The following CCDC73 variants were observed in gnomAD, a reference collection of about 807,000 sequenced individuals.
The protein encoded by CCDC73 is coiled-coil domain-containing protein 73.
In CCDC73, 95 loss-of-function variants were observed where a neutral mutation model predicts 116.5. That is an observed-to-expected ratio of 0.82 (90% CI 0.69 to 0.97). The LOEUF (loss-of-function observed/expected upper bound fraction) is 0.97, where lower values mean the gene tolerates loss of function less well. Among genes scored for constraint, CCDC73 ranks in the 50% least tolerant of loss-of-function variants. CCDC73 has a pLI of 0.00. For missense variants in CCDC73, 1,066 were observed against 1,206.8 expected (o/e 0.88, Z 1.73); for synonymous variants, 398 against 401.3 (o/e 0.99, Z 0.10).
At chr11:32,774,327 A>T (rs556926072) in intron 1 of CCDC73, among the ~76,000 whole-genome samples, 1 of 152,302 alleles carries the variant, frequency 6.6e-6, no homozygotes, top group African/African-American at 2.4e-5. Flanking sequence ...TAAGTCAGTC[A>T]CAATGCTCCT....
chr11:32,633,596 C>G (rs939677465), intron 14 of CCDC73, among the ~76,000 whole-genome samples: 2 of 152,056 alleles, frequency 1.3e-5, no homozygotes, highest in African/African-American at 4.8e-5. Context: ...CTGGAGTAAA[C>G]CAGACTTCCA....
intron 3 of CCDC73, among the ~76,000 whole-genome samples, chr11:32,707,354 T>C (rs760221488): frequency 2.8e-4 from 43 of 152,072 alleles, no homozygotes; most frequent in South Asian, 4.1e-4. Flanking sequence ...GCCCAAGTAC[T>C]ATGTTATCTT....
At chr11:32,703,624 A>G (rs1401822964) in intron 3 of CCDC73, among the ~76,000 whole-genome samples, 1 of 152,226 alleles carries the variant, frequency 6.6e-6, no homozygotes, top group East Asian at 1.9e-4. Flanking sequence ...CAACAACAAC[A>G]ACAACAAAAA....
At chr11:32,650,916 A>C (rs1327152512) in intron 12 of CCDC73, among the ~76,000 whole-genome samples, 1 of 152,180 alleles carries the variant, frequency 6.6e-6, no homozygotes, top group Non-Finnish European at 1.5e-5. Flanking sequence ...TAAAATATAC[A>C]ACTTTTTCTT....
chr11:32,637,213 A>G (rs1855690112), intron 13 of CCDC73, among the ~76,000 whole-genome samples: 3 of 151,430 alleles, frequency 2.0e-5, no homozygotes, highest in Admixed American at 1.3e-4. Flanking sequence ...GAGTTTCACT[A>G]TGTTGGCCAG....
At chr11:32,623,322 G>A (rs1855539862) in intron 14 of CCDC73, among the ~76,000 whole-genome samples, 1 of 151,980 alleles carries the variant, frequency 6.6e-6, no homozygotes, top group African/African-American at 2.4e-5. Flanking sequence ...CCATTTTATG[G>A]AGCAGAGGGG....
chr11:32,813,368 C>G, the CCDC73 span, among the ~76,000 whole-genome samples: 3 of 152,094 alleles, frequency 2.0e-5, no homozygotes, highest in Non-Finnish European at 4.4e-5. Flanking sequence ...GCGATCCTCC[C>G]CCCTCAGCCT....
intron 2 of CCDC73, among the ~76,000 whole-genome samples, chr11:32,746,291 A>G (rs1681150610): frequency 6.6e-6 from 1 of 152,128 alleles, no homozygotes; most frequent in African/African-American, 2.4e-5. Flanking sequence ...CTGCTGAGAG[A>G]TCTGCTGTTA....
intron 14 of CCDC73, among the ~76,000 whole-genome samples, chr11:32,628,382 T>C (rs947118264): frequency 2.0e-5 from 3 of 152,176 alleles, no homozygotes; most frequent in African/African-American, 7.2e-5. Flanking sequence ...ATGAAGGCGC[T>C]ACCCAGAAAA....
At chr11:32,636,848 C>T (rs1256563850) in intron 13 of CCDC73, among the ~76,000 whole-genome samples, 2 of 151,808 alleles carry the variant, frequency 1.3e-5, no homozygotes, top group African/African-American at 4.8e-5. Context: ...TCCTTCCTCT[C>T]CTATCTTCCT....
At chr11:32,707,475 T>A (rs1849865813) in intron 3 of CCDC73, among the ~76,000 whole-genome samples, 1 of 152,044 alleles carries the variant, frequency 6.6e-6, no homozygotes, top group Non-Finnish European at 1.5e-5. Flanking sequence ...TGTTTTTTCC[T>A]GGGAAAGTCA....
the CCDC73 span, chr11:32,829,733 C>T: frequency 7.1e-6 from 7 of 981,188 alleles, no homozygotes; most frequent in Non-Finnish European, 8.5e-6. Context: ...GCCACCCGCG[C>T]CGCCAAGGCG....
At chr11:32,702,985 C>G in intron 3 of CCDC73, 41 bp from the exon 4 acceptor site, 1 of 1,282,828 alleles carries the variant, frequency 7.8e-7, no homozygotes, top group Non-Finnish European at 1.1e-6. Flanking sequence ...CAAATTCTAG[C>G]AACTCTCTTT....
chr11:32,766,032 A>C (rs1850438215), intron 1 of CCDC73, among the ~76,000 whole-genome samples: 1 of 152,146 alleles, frequency 6.6e-6, no homozygotes, highest in South Asian at 2.1e-4. Flanking sequence ...CAATATCCTT[A>C]ATGAACATCG....
chr11:32,658,233 C>T (rs1259084675), intron 9 of CCDC73, among the ~76,000 whole-genome samples: 4 of 152,070 alleles, frequency 2.6e-5, no homozygotes, highest in African/African-American at 7.2e-5. Context: ...TCTACAACTA[C>T]GTAAATAGCT....
intron 14 of CCDC73, among the ~76,000 whole-genome samples, chr11:32,619,008 T>C (rs1268284400): frequency 1.3e-5 from 2 of 152,222 alleles, no homozygotes; most frequent in Non-Finnish European, 2.9e-5. Flanking sequence ...ATGTCTTTTG[T>C]CCACTTTTTA....
At chr11:32,674,955 C>G (rs1008769395) in intron 9 of CCDC73, among the ~76,000 whole-genome samples, 2 of 152,000 alleles carry the variant, frequency 1.3e-5, no homozygotes, top group Non-Finnish European at 2.9e-5. Context: ...TTTTTTAGTT[C>G]CTCAAATATA....
Position 32,641,380 on chromosome 11 carries a change from A to G in CCDC73, c.1050+592T>C, listed in dbSNP as rs1488206664. On this transcript the variant is annotated intron_variant, in intron 13 of 17. Transcript: ENST00000335185. ...TCACAACTTGATTTCACCTCATCTT[A>G]CACTATTATCTACCTTGCTGAATTA... Among the ~76,000 whole-genome samples, 3 of 152,098 alleles carry G rather than the reference A, an allele frequency of 2.0e-5. No homozygotes were observed. In the East Asian group the frequency reaches 5.8e-4, roughly 29 times the overall value.
At chr11:32,710,533 C>T (rs1029672546) in intron 3 of CCDC73, among the ~76,000 whole-genome samples, 1 of 152,134 alleles carries the variant, frequency 6.6e-6, no homozygotes, top group Non-Finnish European at 1.5e-5. Context: ...TTTTATTCCA[C>T]TGTGGTCTGA....
Sources: gnomAD v4.1 joint callset for allele counts (sites outside exome capture counted in the v4.1 genomes callset) on GRCh38, gnomAD v4.1.1 for gene constraint, MANE v1.5 for transcripts, NCBI Gene and HGNC (gene_info 2026-07-23, HGNC 2026-07-21) for gene names.